The following GAD1 variants were observed in gnomAD, a reference collection of about 807,000 sequenced individuals.
GAD1 encodes 67 kDa glutamic acid decarboxylase.
In GAD1, 35 loss-of-function variants were observed where a neutral mutation model predicts 75.2. That is an observed-to-expected ratio of 0.47 (90% CI 0.36 to 0.62). The LOEUF (loss-of-function observed/expected upper bound fraction) is 0.62. Among genes scored for constraint, GAD1 ranks in the 20% least tolerant of loss-of-function variants. The pLI, the probability that GAD1 is intolerant of heterozygous loss-of-function variation, is 0.00. For missense variants in GAD1, 490 were observed against 758.5 expected, an observed-to-expected ratio of 0.65 and a Z score of 4.16; for synonymous variants, 257 against 271.9, an observed-to-expected ratio of 0.95 and a Z score of 0.54.
chr2:170,817,606 TCGCGCCAG>T (rs1701743562), intron 1 of GAD1: 1 of 152,244 alleles, frequency 6.6e-6, no homozygotes, highest in African/African-American at 2.4e-5. Flanking sequence ...TCGGGCGCCA[TCGCGCCAG>T]CGCCGAGAGT....
chr2:170,859,816 A>C lies in GAD1; in HGVS notation c.1719A>C (p.Pro573=). 6.2e-7 allele frequency: 1 copy of C among 1,614,168 alleles called. No homozygotes were observed. Among genetic ancestry groups the C allele is most frequent in the Non-Finnish European group, 8.5e-7 (1 of 1,180,042 alleles). The change falls in exon 17 of 17, where the codon CCA becomes CCC. Residue 573 remains proline (P), a synonymous_variant. Coordinates refer to ENST00000358196, the MANE Select transcript of GAD1 (RefSeq NM_000817.3). ...ANFFRMVISN[P]AATQSDIDFL... ...TCTTCCGGATGGTCATCTCCAACCC[A>C]GCCGCTACCCAGTCTGACATTGACT...
chr2:170,847,515 T>C (rs1702658619), intron 10 of GAD1, among the ~76,000 whole-genome samples, 161 bp from the exon 11 acceptor site: 1 of 152,116 alleles, frequency 6.6e-6, no homozygotes, highest in Non-Finnish European at 1.5e-5. Flanking sequence ...AATGAATGAG[T>C]GAATGAGCCA....
chr2:170,838,310 G>C (rs1702422222), intron 6 of GAD1, among the ~76,000 whole-genome samples: 1 of 152,154 alleles, frequency 6.6e-6, no homozygotes, highest in Non-Finnish European at 1.5e-5. Flanking sequence ...TGAACAAAAA[G>C]CTCCATTTAG....
chr2:170,841,753 T>A (rs1053765673), intron 6 of GAD1, among the ~76,000 whole-genome samples: 1 of 152,082 alleles, frequency 6.6e-6, no homozygotes, highest in Admixed American at 6.5e-5. Context: ...TATACTAGCT[T>A]TCAGGAGAGA....
chr2:170,829,032 C>A, intron 3 of GAD1: 1 of 300,444 alleles, frequency 3.3e-6, no homozygotes. Flanking sequence ...ACCCTCCTCC[C>A]TCAGCTGTCC....
chr2:170,850,501 T>C (rs773858203), intron 12 of GAD1, among the ~76,000 whole-genome samples: 14 of 152,062 alleles, frequency 9.2e-5, no homozygotes, highest in Middle Eastern at 3.2e-3. Flanking sequence ...AAAGAGGCCA[T>C]TGGGGCTGGA....
At chr2:170,815,660 A>G (rs1376068543), upstream of GAD1, among the ~76,000 whole-genome samples, 1 of 152,220 alleles carries the variant, frequency 6.6e-6, no homozygotes, top group Non-Finnish European at 1.5e-5. Context: ...AAATACCAGT[A>G]AAGGAATCAC....
In GAD1 at chr2:170,827,865, CT is replaced by C. The variant is rs931093106; in HGVS notation, c.146-1602del. On this transcript the variant is annotated intron_variant, in intron 3 of 16. Transcript: ENST00000358196. The stretch of plus-strand genomic sequence containing the variant: ...TAAATGGCAACACAGAAGATTGAAG[CT>C]TTTTTTTGTCTCACAGTACCTTCAT... Among the ~76,000 whole-genome samples, 6 of 152,202 alleles carry C rather than the reference CT, an allele frequency of 3.9e-5. No homozygotes were observed. The East Asian group carries it at 1.2e-3, about 29-fold the overall frequency.
intron 5 of GAD1, 46 bp from the exon 6 acceptor site, chr2:170,836,747 T>C: frequency 7.0e-7 from 1 of 1,422,922 alleles, no homozygotes; most frequent in Middle Eastern, 1.8e-4. Context: ...TCAAGATAGG[T>C]TGAGAAATCT....
chr2:170,834,328 A>C (rs1486694223), intron 5 of GAD1, among the ~76,000 whole-genome samples: 3 of 152,350 alleles, frequency 2.0e-5, no homozygotes, highest in Non-Finnish European at 2.9e-5. Flanking sequence ...TTTTTCAAGG[A>C]TATTAATGCA....
At position 170,860,145 on chromosome 2, in the gene GAD1, G is replaced by T; in HGVS notation, c.*263G>T. 2.4e-6 allele frequency: 1 copy of T among 414,152 alleles called. No individual in the cohort carries two copies. The highest frequency in any genetic ancestry group is 3.9e-5 in the Admixed American group (1 of 25,740). 25.7% of individuals were successfully genotyped at this position (414,152 alleles called of 1,614,324 possible). ...CTCTATATATACATGTATAGTGAGT[G>T]TGGCTTAGTAATAGATCACGGCATG... is the stretch of plus-strand genomic sequence containing the variant. On this transcript the variant is annotated 3_prime_UTR_variant, in exon 17 of 17. Coordinates refer to ENST00000358196, the MANE Select transcript of GAD1 (RefSeq NM_000817.3).
intron 3 of GAD1, among the ~76,000 whole-genome samples, chr2:170,825,471 GAA>G (rs1559270207): frequency 2.6e-5 from 4 of 152,224 alleles, no homozygotes; most frequent in Non-Finnish European, 1.5e-5. Context: ...GGTGAACAGA[GAA>G]TGTGCTGGGC....
intron 3 of GAD1, among the ~76,000 whole-genome samples, chr2:170,828,094 C>CCTCTGCTG (rs1702071823): frequency 9.6e-5 from 1 of 10,462 alleles, no homozygotes; most frequent in Non-Finnish European, 2.4e-4. Context: ...CTCACCCCTC[C>CCTCTGCTG]TCCTTCTGCT....
In GAD1 at chr2:170,859,840, C is replaced by T. The variant is rs1317143621; in HGVS notation, c.1743C>T (p.Asp581=). Residue 581 remains aspartate, a synonymous_variant, in exon 17 of 17, where the codon GAC becomes GAT. Transcript: ENST00000358196. ...SNPAATQSDI[D]FLIEEIERLG... The stretch of plus-strand genomic sequence containing the variant: ...CAGCCGCTACCCAGTCTGACATTGA[C>T]TTCCTCATTGAGGAGATAGAAAGAC... 4.3e-6 allele frequency: 7 copies of T among 1,614,062 alleles called. No individual in the cohort carries two copies. In the African/African-American group the frequency reaches 9.3e-5, roughly 22 times the overall value.
chr2:170,818,596 C>A lies in GAD1; in HGVS notation c.5C>A (p.Ala2Glu), dbSNP rs769768841. 10 of 1,613,764 alleles carry A rather than the reference C, an allele frequency of 6.2e-6. No individual in the cohort carries two copies. The highest frequency in any genetic ancestry group is 3.4e-6 in the Non-Finnish European group (4 of 1,179,788). ...GGCCCCGGGACGACCGAGCTGATGG[C>A]GTCTTCGACCCCATCTTCGTCCGCA... M[A>E]SSTPSSSATS... The change falls in exon 2 of 17, where the codon GCG becomes GAG. Residue 2 changes from alanine to glutamate, a missense_variant. By Grantham distance (107) the Ala-to-Glu change is moderately radical. Transcript: ENST00000358196. The surrounding 1 kb of genome is among the most constrained non-coding windows in gnomAD (Gnocchi z 5.9).
At chr2:170,832,651 T>TGC (rs764884035) in intron 5 of GAD1, among the ~76,000 whole-genome samples, 15 of 136,840 alleles carry the variant, frequency 1.1e-4, no homozygotes, top group Admixed American at 3.6e-4. Flanking sequence ...CAGGCACACA[T>TGC]GCGCGCGCGC....
upstream of GAD1, chr2:170,813,552 T>C (rs1701646855): frequency 6.5e-6 from 1 of 154,086 alleles, no homozygotes; most frequent in Non-Finnish European, 1.4e-5. Flanking sequence ...AAAATTCTAA[T>C]TGCGTCAAAA....
upstream of GAD1, among the ~76,000 whole-genome samples, chr2:170,813,860 C>A (rs11904485): frequency 2.7e-3 from 414 of 152,282 alleles, 2 homozygotes; most frequent in African/African-American, 9.3e-3. Context: ...GTAGCCGGGG[C>A]TGCAAGCTCG....
rs1399644583 is a variant in GAD1, at chr2:170,818,459, G to A, written c.-63-70G>A. On this transcript the variant is annotated intron_variant, in intron 1 of 16. Transcript: ENST00000358196. The surrounding 1 kb of genome is among the most constrained non-coding windows in gnomAD (Gnocchi z 5.9). Reference sequence around the variant, plus strand: ...CTTCAAGGGGAGCCTCCGTGCCCCCGGCTGCTCAGTCCCTCCGGTGTGCAG... The same window carrying A: ...CTTCAAGGGGAGCCTCCGTGCCCCCAGCTGCTCAGTCCCTCCGGTGTGCAG... 4.8e-6 allele frequency: 4 copies of A among 826,638 alleles called. No homozygotes were observed. The African/African-American group carries it at 5.0e-5, about 10-fold the overall frequency. 51.2% of individuals were successfully genotyped at this position (826,638 alleles called of 1,614,324 possible). A position where few individuals can be genotyped will look rare whatever the true frequency, so the allele number is the denominator to read the frequency against.
Sources: gnomAD v4.1 joint callset for allele counts (sites outside exome capture counted in the v4.1 genomes callset) on GRCh38, gnomAD v4.1.1 for gene constraint, Gnocchi (gnomAD v3.1) non-coding constraint, MANE v1.5 for transcripts, NCBI Gene and HGNC (gene_info 2026-07-23, HGNC 2026-07-21) for gene names.